Variants in CTBP2 observed in about 807,000 individuals in gnomAD.
CTBP2 encodes C-terminal binding protein 2, also known as C-terminal-binding protein 2.
In CTBP2, 30 loss-of-function variants were observed where a neutral mutation model predicts 80.3. That is an observed-to-expected ratio of 0.37 (90% CI 0.28 to 0.51). CTBP2 has a LOEUF of 0.51. CTBP2 is among the 20% of genes least tolerant of loss of function. CTBP2 has a pLI of 0.93. For synonymous variants in CTBP2, 594 were observed against 587.4 expected (o/e 1.01, Z -0.16); for missense variants, 1,212 against 1,375.3 (o/e 0.88, Z 1.88).
intron 1 of CTBP2, among the ~76,000 whole-genome samples, chr10:125,008,537 C>T (rs905946320): frequency 1.3e-5 from 2 of 152,206 alleles, no homozygotes; most frequent in Non-Finnish European, 2.9e-5. Context: ...TGGAATTTGC[C>T]GGGTGCCGTC....
rs1351863633 is a variant in CTBP2 at position 124,992,816 on chromosome 10, G to C, written c.2660-4C>G. ...CTTAAGCTTTCTGGGATGCGACCTA[G>C]GGTAAGATGATTAAAATTAATCATA... is the stretch of plus-strand genomic sequence containing the variant. On this transcript the variant is annotated splice_region_variant and splice_polypyrimidine_tract_variant and intron_variant, in intron 7 of 8. Transcript: ENST00000309035. The C allele has an allele frequency of 6.3e-7, 1 of 1,598,452 alleles. No individual in the cohort carries two copies. The highest frequency in any genetic ancestry group is 1.7e-5 in the Admixed American group (1 of 59,006).
In CTBP2 at chr10:125,135,957, G is replaced by A. The variant is rs1273199576; in HGVS notation, c.-206+24362C>T. Among the ~76,000 whole-genome samples, 5 of 152,196 alleles carry A rather than the reference G, an allele frequency of 3.3e-5. No homozygotes were observed. In the East Asian group the frequency reaches 7.7e-4, roughly 23 times the overall value. ...CCTGATTCTCCAGCCCATCCCTTCC[G>A]GCCCACGAGCAGAACAGGACAAGTG... On this transcript the variant is annotated intron_variant, in intron 1 of 10. Transcript: ENST00000337195.
chr10:125,036,766 C>A (rs1056632926), intron 3 of CTBP2, among the ~76,000 whole-genome samples: 1 of 150,876 alleles, frequency 6.6e-6, no homozygotes, highest in Non-Finnish European at 1.5e-5. Context: ...AGAGCTGAAT[C>A]CAACAAGCTG....
At chr10:125,069,154 G>A (rs1258869272) in intron 2 of CTBP2, among the ~76,000 whole-genome samples, 1 of 152,262 alleles carries the variant, frequency 6.6e-6, no homozygotes, top group East Asian at 1.9e-4. Context: ...TCTTGGCTGA[G>A]TGACCACCTC....
intron 4 of CTBP2, 166 bp downstream of exon 6, chr10:124,997,786 GTGAGTTGCCTGA>G (rs1953831232): frequency 1.6e-6 from 1 of 624,434 alleles, no homozygotes; most frequent in Non-Finnish European, 2.8e-6. Context: ...TGCCTCTAGG[GTGAGTTGCCTGA>G]TGGGTCTTGA....
chr10:125,108,238 G>T (rs76068522), intron 2 of CTBP2, among the ~76,000 whole-genome samples: 4 of 152,184 alleles, frequency 2.6e-5, no homozygotes, highest in African/African-American at 7.2e-5. Flanking sequence ...AGTGTTTGAC[G>T]TCAAGTTACT....
intron 4 of CTBP2, chr10:124,996,036 G>A (rs939528573): frequency 2.9e-5 from 4 of 139,050 alleles, no homozygotes; most frequent in Non-Finnish European, 4.5e-5. Flanking sequence ...CCGTGCCGAC[G>A]GCTATTTCTT....
At chr10:125,119,542 G>A (rs1458892279) in intron 1 of CTBP2, among the ~76,000 whole-genome samples, 3 of 152,130 alleles carry the variant, frequency 2.0e-5, no homozygotes. Context: ...ATACTTCAAA[G>A]ACATAGGAAA....
At chr10:125,107,356 G>A (rs1590821260) in intron 2 of CTBP2, among the ~76,000 whole-genome samples, 1 of 152,332 alleles carries the variant, frequency 6.6e-6, no homozygotes, top group African/African-American at 2.4e-5. Flanking sequence ...AAGGCCCCAC[G>A]GATGCATGCA....
At chr10:125,006,829 C>T (rs1023272165) in intron 1 of CTBP2, among the ~76,000 whole-genome samples, 4 of 152,028 alleles carry the variant, frequency 2.6e-5, no homozygotes, top group Non-Finnish European at 4.4e-5. Flanking sequence ...AAGCCCAAGG[C>T]GCAGTACGTA....
chr10:125,146,002 C>T (rs1300079919), intron 1 of CTBP2, among the ~76,000 whole-genome samples: 5 of 152,046 alleles, frequency 3.3e-5, no homozygotes, highest in Admixed American at 3.3e-4. Context: ...CGACTCACTG[C>T]AACCTCTGCC....
intron 1 of CTBP2, among the ~76,000 whole-genome samples, chr10:125,156,124 C>T (rs977850765): frequency 6.6e-6 from 1 of 152,200 alleles, no homozygotes; most frequent in African/African-American, 2.4e-5. Flanking sequence ...ATGTTCCACC[C>T]TGTGTAACAG....
chr10:125,106,921 T>C (rs1048867077), intron 2 of CTBP2, among the ~76,000 whole-genome samples: 2 of 152,194 alleles, frequency 1.3e-5, no homozygotes, highest in African/African-American at 2.4e-5. Flanking sequence ...TGGACCCATG[T>C]AGATGCTAAA....
Position 125,027,062 on chromosome 10 carries a change from A to ACC in CTBP2, c.696_697dup (p.Val233GlyfsTer22). On this transcript the variant is annotated frameshift_variant, in exon 1 of 9. Coordinates refer to ENST00000309035, the MANE Select transcript of CTBP2 (RefSeq NM_022802.3). LOFTEE classifies it high-confidence loss of function. ...GGCAGCAGCTGAACTGGGGTCCACA[A>ACC]CCAGGCACGTCGGGGCCACCTGTCT... The ACC allele has an allele frequency of 6.2e-7, 1 of 1,612,894 alleles. No homozygotes were observed. Among genetic ancestry groups the ACC allele is most frequent in the Middle Eastern group, 1.6e-4 (1 of 6,062 alleles).
intron 3 of CTBP2, 73 bp from the exon 6 acceptor site, chr10:124,998,243 C>G: frequency 6.6e-7 from 1 of 1,513,702 alleles, no homozygotes; most frequent in Non-Finnish European, 8.9e-7. Context: ...GGCTCCCAGC[C>G]CGCCCTCCTG....
intron 1 of CTBP2, among the ~76,000 whole-genome samples, chr10:125,112,125 T>C (rs1852377435): frequency 6.6e-6 from 1 of 151,416 alleles, no homozygotes; most frequent in South Asian, 2.1e-4. Context: ...TTTTTTTTTT[T>C]TTTGGGAGAA....
At chr10:124,994,723 C>T in intron 4 of CTBP2, 40 bp from the exon 7 acceptor site, 1 of 1,601,106 alleles carries the variant, frequency 6.2e-7, no homozygotes, top group Non-Finnish European at 8.6e-7. Context: ...GAGTCCACAG[C>T]CCGCGCCCCA....
At chr10:125,096,133 G>A (rs1163389026) in intron 2 of CTBP2, among the ~76,000 whole-genome samples, 2 of 152,148 alleles carry the variant, frequency 1.3e-5, no homozygotes, top group African/African-American at 2.4e-5. Flanking sequence ...AACACAGCAC[G>A]CACATGGTTG....
chr10:125,005,420 G>T, intron 1 of CTBP2: 1 of 917,994 alleles, frequency 1.1e-6, no homozygotes, highest in Non-Finnish European at 1.6e-6. Context: ...CTGCTGCCCC[G>T]ACACCCAGGT....
Sources: allele counts gnomAD v4.1 joint callset (sites outside exome capture counted in the v4.1 genomes callset), GRCh38; gene constraint gnomAD v4.1.1; transcripts MANE v1.5; gene names NCBI Gene and HGNC (gene_info 2026-07-23, HGNC 2026-07-21).